LEF1: variants seen among roughly 807,000 people sequenced by gnomAD.
LEF1 encodes the protein lymphoid enhancer binding factor 1, also known as lymphoid enhancer-binding factor 1.
Under a neutral mutation model 51.2 loss-of-function variants are expected in LEF1, and 14 were observed. The observed-to-expected ratio is 0.27, with a 90% CI of 0.18 to 0.43. The LOEUF (loss-of-function observed/expected upper bound fraction) is 0.43. LEF1 is among the 20% of genes least tolerant of loss of function. The probability of loss-of-function intolerance (pLI) is 1.00; values close to 1 mark genes in which losing one functional copy is unlikely to be tolerated. For missense variants in LEF1, 386 were observed against 512.0 expected (o/e 0.75, Z 2.37); for synonymous variants, 185 against 183.2 (o/e 1.01, Z -0.08).
intron 5 of LEF1, 194 bp downstream of exon 5, chr4:108,083,162 C>T (rs770836725): frequency 3.6e-5 from 21 of 580,660 alleles, no homozygotes; most frequent in Middle Eastern, 9.1e-4. Context: ...TATTAGCAAA[C>T]GGATCAATCC....
chr4:108,132,741 C>T (rs558848033), intron 3 of LEF1, among the ~76,000 whole-genome samples: 1 of 131,202 alleles, frequency 7.6e-6, no homozygotes, highest in Non-Finnish European at 1.5e-5. Flanking sequence ...AATCTCAGCT[C>T]ACTGCAACCT....
intron 3 of LEF1, among the ~76,000 whole-genome samples, chr4:108,137,208 CAG>C (rs1312311912): frequency 6.6e-6 from 1 of 152,042 alleles, no homozygotes; most frequent in Non-Finnish European, 1.5e-5. Flanking sequence ...CCTATTAAAA[CAG>C]AAAGTCTATT....
At chr4:108,057,560 C>A (rs17511536) in intron 11 of LEF1, among the ~76,000 whole-genome samples, 8,109 of 152,198 alleles carry the variant, frequency 0.053, 212 homozygotes, top group Non-Finnish European at 0.062. Flanking sequence ...CAGCTCCTGG[C>A]AGACCCTCAG....
chr4:108,145,959 C>A (rs1468550570), intron 3 of LEF1, among the ~76,000 whole-genome samples: 4 of 152,130 alleles, frequency 2.6e-5, no homozygotes, highest in African/African-American at 9.7e-5. Flanking sequence ...ATACTAAAAA[C>A]CACTACACTG....
chr4:108,066,697 A>G (rs577487531), intron 9 of LEF1, among the ~76,000 whole-genome samples: 1 of 152,368 alleles, frequency 6.6e-6, no homozygotes, highest in South Asian at 2.1e-4. Flanking sequence ...AGTAGTTTGG[A>G]TGTATTAATG....
chr4:108,110,771 A>C (rs183613720), intron 3 of LEF1, among the ~76,000 whole-genome samples: 14 of 152,336 alleles, frequency 9.2e-5, no homozygotes. Flanking sequence ...TCCACCTTAC[A>C]GTTTTGTAGT....
chr4:108,147,975 C>T lies in LEF1; in HGVS notation c.414+15593G>A, dbSNP rs182808796. On this transcript the variant is annotated intron_variant, in intron 3 of 11. Transcript: ENST00000265165. ...TATCTACCTTCATAATATTGTTTGC[C>T]CAATTCAAATTGTAGTCAAATTTAA... is the stretch of plus-strand genomic sequence containing the variant. Among the ~76,000 whole-genome samples the T allele has an allele frequency of 1.5e-3, 221 of 152,140 alleles. 4 individuals carry two copies. Among genetic ancestry groups the T allele is most frequent in the South Asian group, 4.6e-3 (22 of 4,818 alleles).
At position 108,098,917 on chromosome 4, in the gene LEF1, T is replaced by C. The variant is rs1441277014; in HGVS notation, c.415-9660A>G. Among the ~76,000 whole-genome samples, 25 of 152,204 alleles carry C rather than the reference T, an allele frequency of 1.6e-4. 1 individual carries two copies. Among genetic ancestry groups the C allele is most frequent in the Admixed American group, 1.6e-3 (25 of 15,284 alleles). On this transcript the variant is annotated intron_variant, in intron 3 of 11. Coordinates refer to ENST00000265165, the MANE Select transcript of LEF1 (RefSeq NM_016269.5). ...TTTCTATGAACATGTAAATTTGATA[T>C]TTACACTGTAAGATCAGCATTAAAG...
At chr4:108,066,109 G>A (rs2126269399) in intron 9 of LEF1, among the ~76,000 whole-genome samples, 2 of 152,224 alleles carry the variant, frequency 1.3e-5, no homozygotes, top group Middle Eastern at 3.4e-3. Context: ...CACCACGTTG[G>A]CCAGGCTGGC....
At chr4:108,115,709 T>C (rs925593589) in intron 3 of LEF1, among the ~76,000 whole-genome samples, 12 of 152,142 alleles carry the variant, frequency 7.9e-5, no homozygotes, top group African/African-American at 2.7e-4. Flanking sequence ...TAATGGAAAA[T>C]GTTGAAAGAT....
At chr4:108,077,133 G>A (rs1738916205) in intron 8 of LEF1, among the ~76,000 whole-genome samples, 1 of 151,834 alleles carries the variant, frequency 6.6e-6, no homozygotes. Flanking sequence ...GAGCCCAGGA[G>A]TTTGAGACCA....
chr4:108,116,900 T>G (rs1406741693), intron 3 of LEF1, among the ~76,000 whole-genome samples: 1 of 152,224 alleles, frequency 6.6e-6, no homozygotes, highest in Non-Finnish European at 1.5e-5. Flanking sequence ...TCATAAGCAC[T>G]GTGTAAGTGC....
chr4:108,167,528 T>C lies in LEF1; in HGVS notation c.213+27A>G, dbSNP rs1390346304. On this transcript the variant is annotated intron_variant, in intron 1 of 11. Coordinates refer to ENST00000265165, the MANE Select transcript of LEF1 (RefSeq NM_016269.5). The surrounding 1 kb of genome is among the most constrained non-coding windows in gnomAD (Gnocchi z 5.7). ...GTTTCCCAGGGACCCGCCACGCCTC[T>C]CGGAACTGGGGCAGCGGCCCGCTCA... 1 of 1,611,132 alleles carries C rather than the reference T, an allele frequency of 6.2e-7. No individual in the cohort carries two copies. Among genetic ancestry groups the C allele is most frequent in the African/African-American group, 1.3e-5 (1 of 74,838 alleles).
chr4:108,079,348 C>G (rs1314572552), intron 7 of LEF1, 144 bp downstream of exon 7: 2 of 923,706 alleles, frequency 2.2e-6, no homozygotes, highest in East Asian at 5.0e-5. Flanking sequence ...GCTTAATGTC[C>G]TCAGGGACAG....
intron 3 of LEF1, among the ~76,000 whole-genome samples, chr4:108,115,318 A>G (rs1373915832): frequency 1.3e-5 from 2 of 152,238 alleles, no homozygotes; most frequent in Admixed American, 6.5e-5. Context: ...TTACTCAGAT[A>G]TAATTCGGTT....
At chr4:108,166,745 C>T in intron 1 of LEF1, 3 of 988,816 alleles carry the variant, frequency 3.0e-6, no homozygotes, top group Non-Finnish European at 3.6e-6. Context: ...TGCTTCTCCG[C>T]CTTTCTTCTG....
chr4:108,052,268 T>C (rs2126253614), intron 11 of LEF1, among the ~76,000 whole-genome samples: 1 of 152,320 alleles, frequency 6.6e-6, no homozygotes, highest in Non-Finnish European at 1.5e-5. Context: ...GTAATATCAC[T>C]TCCTTATTCA....
chr4:108,131,353 A>G (rs1400023655), intron 3 of LEF1, among the ~76,000 whole-genome samples: 1 of 151,528 alleles, frequency 6.6e-6, no homozygotes, highest in East Asian at 1.9e-4. Flanking sequence ...ACTGCACTCC[A>G]GCCTGGGTGA....
At chr4:108,153,205 G>T (rs1298536179) in intron 3 of LEF1, among the ~76,000 whole-genome samples, 3 of 152,176 alleles carry the variant, frequency 2.0e-5, no homozygotes, top group Non-Finnish European at 4.4e-5. Context: ...CTGACCCTTT[G>T]TTCTCTCTGT....
Sources: gnomAD v4.1 joint callset for allele counts (sites outside exome capture counted in the v4.1 genomes callset) on GRCh38, gnomAD v4.1.1 for gene constraint, Gnocchi (gnomAD v3.1) non-coding constraint, MANE v1.5 for transcripts, NCBI Gene and HGNC (gene_info 2026-07-23, HGNC 2026-07-21) for gene names.